PDE1C: variants seen among roughly 807,000 people sequenced by gnomAD.
PDE1C encodes the protein dual specificity calcium/calmodulin-dependent 3',5'-cyclic nucleotide phosphodiesterase 1C.
A neutral mutation model predicts 93.1 loss-of-function variants in PDE1C; 62 were observed. That is an observed-to-expected ratio of 0.67 (90% CI 0.54 to 0.82). The LOEUF (loss-of-function observed/expected upper bound fraction) is 0.82. Ranked by LOEUF, PDE1C falls within the 40% of genes least tolerant of loss-of-function variation. The pLI, the probability that PDE1C is intolerant of heterozygous loss-of-function variation, is 0.00. For missense variants in PDE1C, 742 were observed against 884.6 expected, an observed-to-expected ratio of 0.84 and a Z score of 2.04; for synonymous variants, 325 against 310.1, an observed-to-expected ratio of 1.05 and a Z score of -0.50.
intron 1 of PDE1C, among the ~76,000 whole-genome samples, chr7:32,396,543 T>C (rs1041920107): frequency 1.3e-5 from 2 of 151,582 alleles, no homozygotes; most frequent in African/African-American, 2.4e-5. Flanking sequence ...AGTGTTGTAA[T>C]GTCTTCAACT....
chr7:32,070,683 G>A, upstream of PDE1C: 1 of 1,283,292 alleles, frequency 7.8e-7, no homozygotes, highest in Non-Finnish European at 9.9e-7. Flanking sequence ...GATTGGGATT[G>A]GACTCCAGCT....
the PDE1C span, among the ~76,000 whole-genome samples, chr7:31,731,538 G>A: frequency 2.1e-4 from 32 of 152,046 alleles, 2 homozygotes; most frequent in Admixed American, 1.1e-3. Context: ...TTACAGGCAC[G>A]TAATCCTAGC....
At chr7:31,654,900 T>A in the PDE1C span, among the ~76,000 whole-genome samples, 286 of 152,292 alleles carry the variant, frequency 1.9e-3, no homozygotes, top group Non-Finnish European at 3.2e-3. Context: ...TCCTTGCTTT[T>A]TGGAAAGCCT....
At chr7:32,162,965 C>G (rs1036653809) in intron 3 of PDE1C, among the ~76,000 whole-genome samples, 1 of 152,092 alleles carries the variant, frequency 6.6e-6, no homozygotes, top group Non-Finnish European at 1.5e-5. Context: ...CAAAGAGAGA[C>G]CTAAATATTG....
At chr7:31,725,000 A>C in the PDE1C span, among the ~76,000 whole-genome samples, 1 of 152,178 alleles carries the variant, frequency 6.6e-6, no homozygotes, top group Non-Finnish European at 1.5e-5. Context: ...GCCATGGGCT[A>C]CTATATATAA....
chr7:31,775,913 G>A (rs1249806790), intron 16 of PDE1C, among the ~76,000 whole-genome samples, 181 bp from the exon 17 acceptor site: 1 of 152,180 alleles, frequency 6.6e-6, no homozygotes, highest in Non-Finnish European at 1.5e-5. Context: ...CATCGCCTTT[G>A]CCTTTGTGTG....
chr7:32,154,864 G>A (rs1241350120), intron 3 of PDE1C, among the ~76,000 whole-genome samples: 2 of 152,234 alleles, frequency 1.3e-5, no homozygotes, highest in Admixed American at 6.5e-5. Context: ...ACAGCCAGGT[G>A]GGCAGTAAGT....
At chr7:32,295,936 A>G (rs1812591429) in intron 1 of PDE1C, among the ~76,000 whole-genome samples, 1 of 151,938 alleles carries the variant, frequency 6.6e-6, no homozygotes, top group Non-Finnish European at 1.5e-5. Context: ...TGATATACTC[A>G]AAGATTTAGT....
intron 15 of PDE1C, among the ~76,000 whole-genome samples, chr7:31,813,475 T>G (rs1322741902): frequency 2.0e-5 from 3 of 152,078 alleles, no homozygotes; most frequent in Admixed American, 6.6e-5. Context: ...TTTCCCAAGT[T>G]CCAGTTTTAG....
chr7:31,809,433 A>G (rs942428193), intron 15 of PDE1C, among the ~76,000 whole-genome samples: 7 of 152,088 alleles, frequency 4.6e-5, no homozygotes, highest in Non-Finnish European at 8.8e-5. Flanking sequence ...ATTAATAGCT[A>G]TTTAACTTCT....
chr7:31,749,526 T>C (rs746143933), downstream of PDE1C, among the ~76,000 whole-genome samples: 7 of 152,120 alleles, frequency 4.6e-5, no homozygotes, highest in Non-Finnish European at 1.0e-4. Context: ...AAAAATGTGG[T>C]GAGCTTCTAC....
chr7:32,265,652 A>G (rs551666699), intron 1 of PDE1C, among the ~76,000 whole-genome samples: 1 of 152,336 alleles, frequency 6.6e-6, no homozygotes, highest in African/African-American at 2.4e-5. Flanking sequence ...GAGTCAAGAA[A>G]TTAGGTTTTT....
chr7:31,874,165 A>AG (rs1796268336), intron 5 of PDE1C, among the ~76,000 whole-genome samples: 4 of 152,366 alleles, frequency 2.6e-5, no homozygotes, highest in Middle Eastern at 3.4e-3. Flanking sequence ...AAAAAGTAAA[A>AG]GGAAAAACTA....
intron 2 of PDE1C, among the ~76,000 whole-genome samples, chr7:32,185,299 C>T (rs1803779206): frequency 6.7e-6 from 1 of 149,956 alleles, no homozygotes; most frequent in Non-Finnish European, 1.5e-5. Flanking sequence ...TTGCATTACT[C>T]AGATAGGTTC....
intron 1 of PDE1C, among the ~76,000 whole-genome samples, chr7:32,270,440 T>C (rs570631269): frequency 2.0e-5 from 3 of 152,048 alleles, no homozygotes; most frequent in Middle Eastern, 3.4e-3. Context: ...AATAGAAAAA[T>C]ATAAAAGGCT....
the PDE1C span, among the ~76,000 whole-genome samples, chr7:31,628,461 CT>C: frequency 9.3e-5 from 13 of 140,490 alleles, no homozygotes; most frequent in African/African-American, 3.3e-4. Context: ...TTTTTTTTTT[CT>C]TTTTTTTTCT....
At chr7:31,743,758 C>T in the PDE1C span, among the ~76,000 whole-genome samples, 1 of 152,144 alleles carries the variant, frequency 6.6e-6, no homozygotes. Context: ...TTATTTTTCT[C>T]ATACAGTAGT....
intron 2 of PDE1C, among the ~76,000 whole-genome samples, chr7:31,911,593 A>C (rs1801256664): frequency 6.6e-6 from 1 of 152,186 alleles, no homozygotes. Context: ...ACTTCTGCCC[A>C]TCACATGAGA....
the PDE1C span, among the ~76,000 whole-genome samples, chr7:31,619,564 GA>G: frequency 6.6e-6 from 1 of 151,812 alleles, no homozygotes; most frequent in East Asian, 2.0e-4. Context: ...CTATGCTGAG[GA>G]AATCAATGGT....
Sources: gnomAD v4.1 joint callset for allele counts (sites outside exome capture counted in the v4.1 genomes callset) on GRCh38, gnomAD v4.1.1 for gene constraint, MANE v1.5 for transcripts, NCBI Gene and HGNC (gene_info 2026-07-23, HGNC 2026-07-21) for gene names.